AGBL4: variants seen among roughly 807,000 people sequenced by gnomAD.
The protein encoded by AGBL4 is cytosolic carboxypeptidase 6.
Under a neutral mutation model 66.4 loss-of-function variants are expected in AGBL4, and 58 were observed. That is an observed-to-expected ratio of 0.87 (90% CI 0.71 to 1.09). The LOEUF (loss-of-function observed/expected upper bound fraction) is 1.09, where lower values mean the gene tolerates loss of function less well. Ranked by LOEUF, AGBL4 falls within the 50% of genes least tolerant of loss-of-function variation. The pLI, the probability that AGBL4 is intolerant of heterozygous loss-of-function variation, is 0.00. For synonymous variants in AGBL4, 234 were observed against 222.9 expected (o/e 1.05, Z -0.44); for missense variants, 579 against 631.0 (o/e 0.92, Z 0.88).
chr1:48,639,307 A>G (rs774854070), intron 8 of AGBL4, among the ~76,000 whole-genome samples: 4 of 152,214 alleles, frequency 2.6e-5, no homozygotes, highest in Non-Finnish European at 5.9e-5. Flanking sequence ...CTATCAGTAG[A>G]TAAGTATTTA....
intron 3 of AGBL4, among the ~76,000 whole-genome samples, chr1:49,540,925 A>G (rs1480722400): frequency 2.6e-5 from 4 of 152,178 alleles, no homozygotes; most frequent in Non-Finnish European, 4.4e-5. Flanking sequence ...GTCCAAGTTT[A>G]TATATAATAA....
At chr1:49,992,513 C>T (rs2148405203) in intron 1 of AGBL4, among the ~76,000 whole-genome samples, 1 of 151,878 alleles carries the variant, frequency 6.6e-6, no homozygotes, top group East Asian at 1.9e-4. Flanking sequence ...AACAGCCAGC[C>T]TATCCAGTGA....
chr1:48,889,680 A>T (rs1007584506), intron 5 of AGBL4, among the ~76,000 whole-genome samples: 2 of 152,146 alleles, frequency 1.3e-5, no homozygotes, highest in Admixed American at 1.3e-4. Flanking sequence ...TCTATACAGG[A>T]CATGGAAAGG....
At chr1:49,503,932 G>C (rs1419927287) in intron 3 of AGBL4, among the ~76,000 whole-genome samples, 2 of 152,118 alleles carry the variant, frequency 1.3e-5, no homozygotes, top group African/African-American at 4.8e-5. Context: ...CTGTTGGAAA[G>C]GCATGATTGT....
intron 10 of AGBL4, 40 bp from the exon 11 acceptor site, chr1:48,587,206 T>C: frequency 6.6e-7 from 1 of 1,515,838 alleles, no homozygotes; most frequent in African/African-American, 1.4e-5. Flanking sequence ...TCACGGCACC[T>C]GCTGCAAATT....
At chr1:49,122,817 G>A (rs1477573536) in intron 4 of AGBL4, among the ~76,000 whole-genome samples, 1 of 152,042 alleles carries the variant, frequency 6.6e-6, no homozygotes, top group African/African-American at 2.4e-5. Flanking sequence ...CTGGCACCCT[G>A]GAATGGTTCA....
chr1:48,552,252 C>T (rs1373733870), intron 11 of AGBL4, among the ~76,000 whole-genome samples: 2 of 152,034 alleles, frequency 1.3e-5, no homozygotes, highest in South Asian at 4.2e-4. Flanking sequence ...TTAACAGAGA[C>T]GAGGTTTCAC....
At chr1:49,960,159 G>C (rs189121648) in intron 1 of AGBL4, among the ~76,000 whole-genome samples, 3 of 151,818 alleles carry the variant, frequency 2.0e-5, no homozygotes, top group Non-Finnish European at 4.4e-5. Context: ...ATGTACCCCT[G>C]AACCTAAAAT....
intron 2 of AGBL4, among the ~76,000 whole-genome samples, chr1:49,702,184 C>T (rs1396394701): frequency 2.6e-5 from 4 of 152,134 alleles, no homozygotes; most frequent in African/African-American, 9.7e-5. Flanking sequence ...AAAATTAAAA[C>T]TTGTTAAAAA....
At chr1:48,565,751 G>C (rs1644466670) in intron 11 of AGBL4, among the ~76,000 whole-genome samples, 1 of 152,190 alleles carries the variant, frequency 6.6e-6, no homozygotes, top group Admixed American at 6.5e-5. Flanking sequence ...AGTTAAATGA[G>C]AACAATAATC....
chr1:49,392,031 A>G (rs2148593879), intron 3 of AGBL4, among the ~76,000 whole-genome samples: 1 of 152,282 alleles, frequency 6.6e-6, no homozygotes, highest in East Asian at 1.9e-4. Flanking sequence ...ATATAACTTG[A>G]TCTCAACATC....
chr1:49,158,798 A>G (rs1646484413), intron 4 of AGBL4, among the ~76,000 whole-genome samples: 1 of 151,496 alleles, frequency 6.6e-6, no homozygotes, highest in Non-Finnish European at 1.5e-5. Flanking sequence ...TTCTTGTTGC[A>G]GATCCCTTTA....
intron 2 of AGBL4, among the ~76,000 whole-genome samples, chr1:49,710,922 A>G (rs1429070628): frequency 6.6e-6 from 1 of 151,958 alleles, no homozygotes; most frequent in Non-Finnish European, 1.5e-5. Flanking sequence ...CAAAAGATCT[A>G]AACACTCAGA....
At chr1:48,894,358 G>C (rs183249307) in intron 5 of AGBL4, among the ~76,000 whole-genome samples, 194 of 152,198 alleles carry the variant, frequency 1.3e-3, no homozygotes, top group African/African-American at 4.6e-3. Context: ...ATTTTCTCAA[G>C]TACACACAGT....
intron 3 of AGBL4, among the ~76,000 whole-genome samples, chr1:49,668,441 A>C (rs535446239): frequency 6.6e-6 from 1 of 152,304 alleles, no homozygotes; most frequent in Admixed American, 6.5e-5. Flanking sequence ...TGGTTTGCTT[A>C]TTATTACGGA....
At chr1:49,150,655 T>C (rs1165350038) in intron 4 of AGBL4, among the ~76,000 whole-genome samples, 1 of 152,230 alleles carries the variant, frequency 6.6e-6, no homozygotes, top group Non-Finnish European at 1.5e-5. Context: ...TTTGCCTATA[T>C]ACTCATTCTC....
At chr1:49,455,672 C>T (rs1275866419) in intron 3 of AGBL4, among the ~76,000 whole-genome samples, 2 of 151,626 alleles carry the variant, frequency 1.3e-5, no homozygotes, top group Non-Finnish European at 1.5e-5. Context: ...TCTAGTTTCA[C>T]ATTATGTTTA....
At chr1:48,855,506 T>C (rs1647127012) in intron 6 of AGBL4, among the ~76,000 whole-genome samples, 1 of 152,204 alleles carries the variant, frequency 6.6e-6, no homozygotes. Flanking sequence ...ACCTGAGAGA[T>C]GGAGTTTTTT....
At chr1:49,233,718 T>C (rs1291290637) in intron 4 of AGBL4, among the ~76,000 whole-genome samples, 1 of 152,198 alleles carries the variant, frequency 6.6e-6, no homozygotes, top group African/African-American at 2.4e-5. Flanking sequence ...ATAGGGACAA[T>C]AATATGTGAT....
Sources: allele counts gnomAD v4.1 joint callset (sites outside exome capture counted in the v4.1 genomes callset), GRCh38; gene constraint gnomAD v4.1.1; transcripts MANE v1.5; gene names NCBI Gene and HGNC (gene_info 2026-07-23, HGNC 2026-07-21).